Variants in IFIH1 observed in about 807,000 individuals in gnomAD.
IFIH1 encodes interferon induced with helicase C domain 1.
IFIH1 carries 125 observed loss-of-function variants against 107.4 expected under a neutral mutation model. That is an observed-to-expected ratio of 1.16 (90% CI 1.01 to 1.35). The LOEUF (loss-of-function observed/expected upper bound fraction) is 1.35. IFIH1 is among the 40% of genes most tolerant of loss of function. The probability of loss-of-function intolerance (pLI) is 0.00; values close to 1 mark genes in which losing one functional copy is unlikely to be tolerated. For missense variants in IFIH1, 1,333 were observed against 1,213.7 expected (o/e 1.10, Z -1.46); for synonymous variants, 458 against 413.2 (o/e 1.11, Z -1.31).
chr2:162,317,796 A>T, intron 1 of IFIH1, 59 bp downstream of exon 1: 1 of 1,406,124 alleles, frequency 7.1e-7, no homozygotes, highest in South Asian at 1.4e-5. Flanking sequence ...CAAACGCACA[A>T]GGAAGCCTGC....
rs758006242 is a variant in IFIH1, at chr2:162,277,438, C to G, written c.2021G>C (p.Arg674Thr). 7.5e-6 allele frequency: 12 copies of G among 1,608,526 alleles called. No individual in the cohort carries two copies. The highest frequency in any genetic ancestry group is 1.0e-5 in the Non-Finnish European group (12 of 1,176,574). ...ACCAAAAAATAAAGTCATGAGAAAT[C>G]TATCTGTTTCATCCAGTTTCAAAGG... ...KKPLKLDETD[R>T]FLMTLFFENN... The change falls in exon 10 of 16, where the codon AGA becomes ACA. Residue 674 changes from arginine to threonine, a missense_variant. Coordinates refer to ENST00000649979, the MANE Select transcript of IFIH1 (RefSeq NM_022168.4).
In IFIH1 at chr2:162,310,876, T is replaced by G. The variant is rs1212874609; in HGVS notation, c.511A>C (p.Ile171Leu). 8 of 1,613,454 alleles carry G rather than the reference T, an allele frequency of 5.0e-6. No homozygotes were observed. Among genetic ancestry groups the G allele is most frequent in the Non-Finnish European group, 6.8e-6 (8 of 1,179,464 alleles). The part of the protein sequence containing the change: ...ESGVRELLKR[I>L]VQKENWFSAF... The stretch of plus-strand genomic sequence containing the variant: ...GAGAACCAGTTTTCTTTCTGCACAA[T>G]CCTTTTTAGTAGCTCTCTTACACCT... The change falls in exon 2 of 16, where the codon ATT becomes CTT. Residue 171 changes from isoleucine to leucine, a missense_variant. Ile to Leu is a conservative substitution (Grantham distance 5, BLOSUM62 2). Coordinates refer to ENST00000649979, the MANE Select transcript of IFIH1 (RefSeq NM_022168.4).
rs4664463 is a variant in IFIH1 at position 162,293,455 on chromosome 2, T to C, written c.874+109A>G. 0.071 allele frequency: 44,775 copies of C among 631,002 alleles called. 6,632 individuals carry two copies. The highest frequency in any genetic ancestry group is 0.42 in the African/African-American group (22,482 of 54,082). The allele number at this position is 631,002 out of a possible 1,614,324, so 39.1% of individuals were successfully genotyped here. On this transcript the variant is annotated intron_variant, in intron 4 of 15. Coordinates refer to ENST00000649979, the MANE Select transcript of IFIH1 (RefSeq NM_022168.4). ...AAACTATTTCACTGTAGAAAAGAATTGCTTTAATTGCATAAATACATTAGG... is the reference window on the plus strand; with the variant it reads ...AAACTATTTCACTGTAGAAAAGAATCGCTTTAATTGCATAAATACATTAGG...
intron 1 of IFIH1, among the ~76,000 whole-genome samples, 160 bp downstream of exon 1, chr2:162,317,695 T>A (rs910609539): frequency 6.6e-6 from 1 of 152,232 alleles, no homozygotes; most frequent in Non-Finnish European, 1.5e-5. Flanking sequence ...TGTGTTTAAA[T>A]TTTTAAAATT....
chr2:162,281,273 C>G, intron 7 of IFIH1, 55 bp downstream of exon 7: 1 of 1,361,306 alleles, frequency 7.3e-7, no homozygotes. Context: ...ACCAAGAAGT[C>G]CTGGCATTTG....
intron 1 of IFIH1, among the ~76,000 whole-genome samples, chr2:162,316,052 C>A (rs1683485966): frequency 6.6e-6 from 1 of 152,212 alleles, no homozygotes; most frequent in Non-Finnish European, 1.5e-5. Context: ...AAATCCCTTG[C>A]ATTACTGCTA....
At chr2:162,288,828 C>A (rs568011749) in intron 4 of IFIH1, among the ~76,000 whole-genome samples, 1 of 151,792 alleles carries the variant, frequency 6.6e-6, no homozygotes, top group South Asian at 2.1e-4. Context: ...TTCCGTATTT[C>A]CCCTTTTTTT....
Position 162,317,937 on chromosome 2 carries a change from G to C in IFIH1, c.371C>G (p.Thr124Ser). Residue 124 changes from threonine (T) to serine (S), a missense_variant, in exon 1 of 16, where the codon ACT (threonine) becomes AGT (serine). Thr to Ser is a moderately conservative substitution (Grantham distance 58). Transcript: ENST00000649979. ...TCTAACTAGAAGCTTGTCCACCAGA[G>C]TGGGCTGAAGGAGGTTCAGCAGTTG... ...YLQLLNLLQP[T>S]LVDKLLVRDV... 6.2e-7 allele frequency: 1 copy of C among 1,614,148 alleles called. No homozygotes were observed. The highest frequency in any genetic ancestry group is 1.1e-5 in the South Asian group (1 of 91,080).
intron 1 of IFIH1, among the ~76,000 whole-genome samples, chr2:162,314,342 CT>C (rs988296538): frequency 9.3e-5 from 14 of 150,850 alleles, no homozygotes; most frequent in African/African-American, 3.4e-4. Flanking sequence ...AGACATTCTT[CT>C]TTCCTTCCTT....
Position 162,277,034 on chromosome 2 carries a change from A to C in IFIH1, c.2045-88T>G. ...GATATATCAAACATTTTGTACACCAAAAATATACAGTTTTATTGATTAAAA... is the reference window on the plus strand; with the variant it reads ...GATATATCAAACATTTTGTACACCACAAATATACAGTTTTATTGATTAAAA... On this transcript the variant is annotated intron_variant, in intron 10 of 15. Transcript: ENST00000649979. 3.4e-6 allele frequency: 3 copies of C among 884,572 alleles called. No individual in the cohort carries two copies. The East Asian group carries it at 7.9e-5, about 23-fold the overall frequency. The allele number at this position is 884,572 out of a possible 1,614,324, so 54.8% of individuals were successfully genotyped here. A position where few individuals can be genotyped will look rare whatever the true frequency, so the allele number is the denominator to read the frequency against.
intron 3 of IFIH1, among the ~76,000 whole-genome samples, chr2:162,295,739 G>T (rs1310719878): frequency 6.6e-6 from 1 of 151,884 alleles, no homozygotes; most frequent in Non-Finnish European, 1.5e-5. Context: ...ATGGCACCTC[G>T]CAATTCCCAG....
intron 3 of IFIH1, among the ~76,000 whole-genome samples, chr2:162,299,965 C>T (rs1422579618): frequency 6.6e-6 from 1 of 152,156 alleles, no homozygotes. Flanking sequence ...CAGCATAGTG[C>T]TCTCAAGGCT....
intron 1 of IFIH1, among the ~76,000 whole-genome samples, chr2:162,315,878 A>G (rs1683481907): frequency 6.6e-6 from 1 of 152,056 alleles, no homozygotes; most frequent in South Asian, 2.1e-4. Context: ...ATTATTCCAC[A>G]CTCTCACAGA....
rs1240576265 is a variant in IFIH1 at position 162,306,883 on chromosome 2, T to C, written c.623-28A>G. 1.9e-6 allele frequency: 3 copies of C among 1,608,230 alleles called. No homozygotes were observed. In the East Asian group the frequency reaches 6.7e-5, roughly 36 times the overall value. On this transcript the variant is annotated intron_variant, in intron 2 of 15. Transcript: ENST00000649979. ...GTGAATAACAGTATTAGAATGCAAA[T>C]CATAGTGCCATACAAGTTTTTGTAG...
intron 7 of IFIH1, 51 bp downstream of exon 7, chr2:162,281,277 G>A (rs1682802304): frequency 7.2e-7 from 1 of 1,389,206 alleles, no homozygotes; most frequent in Non-Finnish European, 1.0e-6. Flanking sequence ...AGAAGTCCTG[G>A]CATTTGTTTT....
intron 1 of IFIH1, among the ~76,000 whole-genome samples, chr2:162,311,825 G>T (rs1683389229): frequency 6.6e-6 from 1 of 152,066 alleles, no homozygotes; most frequent in African/African-American, 2.4e-5. Context: ...GTTACAATAT[G>T]TGGTTACAAG....
intron 3 of IFIH1, among the ~76,000 whole-genome samples, chr2:162,305,610 T>C (rs1254660007): frequency 6.6e-6 from 1 of 151,972 alleles, no homozygotes; most frequent in Non-Finnish European, 1.5e-5. Flanking sequence ...ATTAAAAAAA[T>C]AAAAATAATA....
intron 3 of IFIH1, among the ~76,000 whole-genome samples, chr2:162,296,229 T>A (rs563273569): frequency 2.0e-5 from 3 of 152,106 alleles, no homozygotes; most frequent in Non-Finnish European, 1.5e-5. Flanking sequence ...GAGCTATTTA[T>A]GCAATGTGCA....
At chr2:162,303,983 T>C (rs1683236401) in intron 3 of IFIH1, among the ~76,000 whole-genome samples, 1 of 152,060 alleles carries the variant, frequency 6.6e-6, no homozygotes, top group Admixed American at 6.5e-5. Flanking sequence ...TAAAGGACAT[T>C]TATTAAAACA....
Sources: allele counts gnomAD v4.1 joint callset (sites outside exome capture counted in the v4.1 genomes callset), GRCh38; gene constraint gnomAD v4.1.1; transcripts MANE v1.5; gene names NCBI Gene and HGNC (gene_info 2026-07-23, HGNC 2026-07-21).